Variants in NHSL1 observed in about 807,000 individuals in gnomAD.
NHSL1 encodes the protein NHS like 1.
A neutral mutation model predicts 95.0 loss-of-function variants in NHSL1; 48 were observed. That is an observed-to-expected ratio of 0.51 (90% CI 0.40 to 0.64). The LOEUF (loss-of-function observed/expected upper bound fraction) is 0.64. Ranked by LOEUF, NHSL1 falls within the 30% of genes least tolerant of loss-of-function variation. The pLI is 0.00. For synonymous variants in NHSL1, 783 were observed against 833.9 expected, an observed-to-expected ratio of 0.94 and a Z score of 1.05; for missense variants, 1,971 against 2,077.7, an observed-to-expected ratio of 0.95 and a Z score of 1.00.
At chr6:138,566,609 T>A (rs1331000702) in intron 1 of NHSL1, among the ~76,000 whole-genome samples, 1 of 151,636 alleles carries the variant, frequency 6.6e-6, no homozygotes, top group Non-Finnish European at 1.5e-5. Flanking sequence ...ATATTTTTCA[T>A]AATTTAAATG....
intron 1 of NHSL1, among the ~76,000 whole-genome samples, chr6:138,593,068 C>T (rs1384250086): frequency 1.3e-5 from 2 of 152,138 alleles, no homozygotes; most frequent in Non-Finnish European, 2.9e-5. Flanking sequence ...CATCTGAAAG[C>T]CATTAAAACA....
intron 1 of NHSL1, chr6:138,650,137 G>C: frequency 1.9e-6 from 1 of 536,586 alleles, no homozygotes. Context: ...TGTTGGGTTG[G>C]AGTCATCTTG....
intron 1 of NHSL1, among the ~76,000 whole-genome samples, chr6:138,539,377 C>T (rs1004677204): frequency 6.6e-6 from 1 of 152,184 alleles, no homozygotes; most frequent in Non-Finnish European, 1.5e-5. Flanking sequence ...CCCCTGCATA[C>T]ATCTGTACCT....
chr6:138,550,107 C>T (rs1017191694), upstream of NHSL1, among the ~76,000 whole-genome samples: 3 of 151,960 alleles, frequency 2.0e-5, no homozygotes, highest in Non-Finnish European at 4.4e-5. Context: ...GGTGTGGTGT[C>T]GTACACCTGT....
At chr6:138,512,388 T>G (rs1345070738) in intron 1 of NHSL1, 7 of 446,700 alleles carry the variant, frequency 1.6e-5, no homozygotes, top group South Asian at 1.1e-4. Flanking sequence ...TCCGGCACGA[T>G]GTCCCATGTT....
intron 1 of NHSL1, among the ~76,000 whole-genome samples, chr6:138,605,759 G>A (rs1299697607): frequency 1.3e-5 from 2 of 152,190 alleles, no homozygotes; most frequent in Non-Finnish European, 2.9e-5. Flanking sequence ...TTTCTACACT[G>A]TTAAGAATCT....
At chr6:138,595,120 G>A (rs988724611) in intron 1 of NHSL1, among the ~76,000 whole-genome samples, 1 of 152,168 alleles carries the variant, frequency 6.6e-6, no homozygotes, top group Non-Finnish European at 1.5e-5. Flanking sequence ...GCCTCTGCAG[G>A]CCTTCTAAGT....
chr6:138,424,832 A>G lies in NHSL1; in HGVS notation c.4086-16T>C, dbSNP rs1775153081. On this transcript the variant is annotated splice_polypyrimidine_tract_variant and intron_variant, in intron 7 of 7. Transcript: ENST00000343505. This position sits in a 1 kb window ranked among gnomAD's most constrained non-coding sequence, Gnocchi z 5.9. ...CCTTTTGGATCTGAGATTTAATAAC[A>G]TTAAGAAAAAGGTTAATTCCCACGG... The G allele has an allele frequency of 6.5e-7, 1 of 1,543,800 alleles. No homozygotes were observed. Among genetic ancestry groups the G allele is most frequent in the Admixed American group, 2.0e-5 (1 of 50,386 alleles).
chr6:138,619,497 G>T (rs1012536179), intron 1 of NHSL1, among the ~76,000 whole-genome samples: 4 of 152,176 alleles, frequency 2.6e-5, no homozygotes, highest in African/African-American at 9.7e-5. Context: ...GGGAGAGATT[G>T]GTTGACTGTT....
chr6:138,580,200 G>A (rs1284769176), intron 1 of NHSL1, among the ~76,000 whole-genome samples: 2 of 152,182 alleles, frequency 1.3e-5, no homozygotes, highest in Non-Finnish European at 2.9e-5. Flanking sequence ...CAGTTACAGG[G>A]ATCAGTTCAA....
At chr6:138,487,164 C>G (rs185224796) in intron 2 of NHSL1, among the ~76,000 whole-genome samples, 1 of 152,188 alleles carries the variant, frequency 6.6e-6, no homozygotes, top group African/African-American at 2.4e-5. Context: ...GTCTGGGGAG[C>G]AAAGGTGATT....
At chr6:138,514,505 T>A (rs1206274804) in intron 1 of NHSL1, among the ~76,000 whole-genome samples, 2 of 152,194 alleles carry the variant, frequency 1.3e-5, no homozygotes, top group Non-Finnish European at 2.9e-5. Flanking sequence ...CGATAAAGTT[T>A]CATTTATAAA....
chr6:138,676,031 G>A (rs1007770025), intron 1 of NHSL1, among the ~76,000 whole-genome samples: 4 of 152,018 alleles, frequency 2.6e-5, no homozygotes, highest in African/African-American at 7.2e-5. Context: ...AGAGATTACC[G>A]GCATATAATT....
At chr6:138,577,201 G>C (rs373910248), upstream of NHSL1, among the ~76,000 whole-genome samples, 10 of 152,318 alleles carry the variant, frequency 6.6e-5, no homozygotes, top group African/African-American at 9.6e-5. Flanking sequence ...TTAATAAAAA[G>C]TGTTAAAGAG....
At chr6:138,525,592 C>T (rs1306112772) in intron 1 of NHSL1, among the ~76,000 whole-genome samples, 1 of 151,312 alleles carries the variant, frequency 6.6e-6, no homozygotes, top group African/African-American at 2.4e-5. Flanking sequence ...GGGAAAGATG[C>T]AGTCCTATAT....
intron 1 of NHSL1, among the ~76,000 whole-genome samples, chr6:138,498,783 C>T (rs1397246040): frequency 1.3e-5 from 2 of 152,084 alleles, no homozygotes; most frequent in Admixed American, 1.3e-4. Flanking sequence ...GGATTATCTC[C>T]ACCAGAAATA....
intron 1 of NHSL1, among the ~76,000 whole-genome samples, chr6:138,623,861 G>C (rs929626324): frequency 6.6e-6 from 1 of 152,166 alleles, no homozygotes; most frequent in African/African-American, 2.4e-5. Context: ...TGCCGCTCTC[G>C]TGATAGTGAG....
intron 1 of NHSL1, among the ~76,000 whole-genome samples, chr6:138,519,206 CAACT>C (rs554903291): frequency 1.3e-3 from 199 of 151,138 alleles, no homozygotes; most frequent in Non-Finnish European, 2.4e-3. Context: ...TGTATAGTAA[CAACT>C]AACAACTTCA....
intron 1 of NHSL1, among the ~76,000 whole-genome samples, chr6:138,660,603 T>C (rs1157620058): frequency 6.7e-6 from 1 of 149,962 alleles, no homozygotes; most frequent in East Asian, 2.0e-4. Context: ...ATCGCGCCAC[T>C]GCACTCCAAC....
Sources: gnomAD v4.1 joint callset for allele counts (sites outside exome capture counted in the v4.1 genomes callset) on GRCh38, gnomAD v4.1.1 for gene constraint, Gnocchi (gnomAD v3.1) non-coding constraint, MANE v1.5 for transcripts, NCBI Gene and HGNC (gene_info 2026-07-23, HGNC 2026-07-21) for gene names.